MICAL3: variants seen among roughly 807,000 people sequenced by gnomAD.
The protein encoded by MICAL3 is microtubule associated monooxygenase, calponin and LIM domain containing 3, also known as [F-actin]-monooxygenase MICAL3.
MICAL3 carries 62 observed loss-of-function variants against 207.4 expected under a neutral mutation model. The observed-to-expected ratio is 0.30, with a 90% CI of 0.24 to 0.37. The LOEUF (loss-of-function observed/expected upper bound fraction) is 0.37, where lower values mean the gene tolerates loss of function less well. MICAL3 is among the 10% of genes least tolerant of loss of function. The probability of loss-of-function intolerance (pLI) is 1.00; values close to 1 mark genes in which losing one functional copy is unlikely to be tolerated. For synonymous variants in MICAL3, 1,077 were observed against 1,069.3 expected, an observed-to-expected ratio of 1.01 and a Z score of -0.14; for missense variants, 2,368 against 2,635.6, an observed-to-expected ratio of 0.90 and a Z score of 2.22.
At chr22:18,006,460 A>G (rs1012266033) in intron 1 of MICAL3, 18 of 152,230 alleles carry the variant, frequency 1.2e-4, no homozygotes, top group African/African-American at 3.9e-4. Flanking sequence ...TTAGTAAACA[A>G]TAGGGAGAAT....
intron 22 of MICAL3, 148 bp downstream of exon 22, chr22:17,827,496 A>G (rs1307917472): frequency 1.3e-6 from 1 of 765,020 alleles, no homozygotes; most frequent in Non-Finnish European, 2.0e-6. Context: ...CAGGTGTCAC[A>G]ACTGACAGCA....
At chr22:17,890,340 G>A (rs1007752323) in intron 12 of MICAL3, among the ~76,000 whole-genome samples, 6 of 151,968 alleles carry the variant, frequency 3.9e-5, no homozygotes, top group African/African-American at 1.2e-4. Context: ...TTCTCCAGGC[G>A]CCCCTCCACC....
intron 19 of MICAL3, among the ~76,000 whole-genome samples, chr22:17,856,480 C>T (rs1201266377): frequency 6.6e-6 from 1 of 152,194 alleles, no homozygotes; most frequent in Non-Finnish European, 1.5e-5. Context: ...CTTCCCTGCA[C>T]CCTCCACCCC....
intron 7 of MICAL3, 186 bp downstream of exon 7, chr22:17,899,262 T>C: frequency 1.5e-6 from 1 of 676,436 alleles, no homozygotes; most frequent in Non-Finnish European, 2.7e-6. Flanking sequence ...CCGTTTTTAT[T>C]TACATTTGAA....
chr22:17,954,897 T>C (rs1245249443), intron 1 of MICAL3, among the ~76,000 whole-genome samples: 1 of 152,132 alleles, frequency 6.6e-6, no homozygotes, highest in Non-Finnish European at 1.5e-5. Flanking sequence ...CTAATTTTTG[T>C]ATTTTTAGTA....
intron 21 of MICAL3, among the ~76,000 whole-genome samples, chr22:17,829,200 CTT>C (rs1363167680): frequency 7.0e-6 from 1 of 142,840 alleles, no homozygotes. Context: ...AAGTGTCGCT[CTT>C]GTTGCCCAGG....
intron 28 of MICAL3, 124 bp downstream of exon 28, chr22:17,810,579 G>A: frequency 1.4e-6 from 1 of 716,798 alleles, no homozygotes; most frequent in African/African-American, 1.8e-5. Flanking sequence ...GGGTGGCAGG[G>A]AGGCCCGTCT....
At chr22:17,863,310 G>C in intron 19 of MICAL3, 5 of 985,368 alleles carry the variant, frequency 5.1e-6, no homozygotes, top group Non-Finnish European at 6.0e-6. Flanking sequence ...GAGTAGTCAG[G>C]TTCCTCAGAA....
At chr22:17,875,994 A>AGCAG (rs1928293537) in intron 16 of MICAL3, among the ~76,000 whole-genome samples, 1 of 152,222 alleles carries the variant, frequency 6.6e-6, no homozygotes, top group Non-Finnish European at 1.5e-5. Context: ...CCTTAGAAGT[A>AGCAG]GCAGGCAGCG....
At chr22:17,874,888 C>G (rs776541017) in intron 16 of MICAL3, among the ~76,000 whole-genome samples, 42 of 152,046 alleles carry the variant, frequency 2.8e-4, no homozygotes, top group Non-Finnish European at 5.9e-4. Flanking sequence ...GCACATAGGA[C>G]GTGAGGTCTG....
At chr22:17,875,682 T>C (rs1340444582) in intron 16 of MICAL3, 1 of 166,254 alleles carries the variant, frequency 6.0e-6, no homozygotes, top group African/African-American at 3.0e-5. Flanking sequence ...CCATGTATAG[T>C]AAAAAAAAAA....
intron 1 of MICAL3, among the ~76,000 whole-genome samples, chr22:17,978,027 AAAAT>A (rs1224523161): frequency 4.0e-5 from 6 of 149,902 alleles, no homozygotes; most frequent in South Asian, 4.2e-4. Context: ...TGTCTCATAA[AAAAT>A]AAATAAATAA....
At position 17,897,422 on chromosome 22, in the gene MICAL3, C is replaced by CAAAAA. The variant is rs71754131; in HGVS notation, c.949-446_949-442dup. 7.9e-4 allele frequency among the ~76,000 whole-genome samples: 33 copies of CAAAAA among 41,760 alleles called. 1 individual carries two copies. The highest frequency in any genetic ancestry group is 1.8e-3 in the African/African-American group (21 of 11,668). The allele number at this position is 41,760 out of a possible 152,430, so 27.4% of individuals were successfully genotyped here. A position where few individuals can be genotyped will look rare whatever the true frequency, so the allele number is the denominator to read the frequency against. On this transcript the variant is annotated intron_variant, in intron 7 of 31. Transcript: ENST00000441493. ...TAGGTGACAGAGTGAGACTCCAACT[C>CAAAAA]AAAAAAAAAAAAAAAAAAAAAAAGA...
intron 18 of MICAL3, among the ~76,000 whole-genome samples, chr22:17,865,295 T>C (rs1238373699): frequency 3.9e-5 from 6 of 152,030 alleles, no homozygotes; most frequent in Non-Finnish European, 7.4e-5. Context: ...CCAGTCCCTC[T>C]GCAGGCAACA....
At chr22:17,805,049 C>CG (rs1411052892) in intron 29 of MICAL3, among the ~76,000 whole-genome samples, 2 of 152,204 alleles carry the variant, frequency 1.3e-5, no homozygotes, top group African/African-American at 4.8e-5. Flanking sequence ...TAGAGCGCTT[C>CG]TCTGGAAAGG....
intron 1 of MICAL3, among the ~76,000 whole-genome samples, chr22:17,979,371 C>G (rs1416824428): frequency 2.0e-5 from 3 of 152,046 alleles, no homozygotes; most frequent in Admixed American, 6.6e-5. Flanking sequence ...GTGGCGAAAC[C>G]CCGTCTCTAC....
intron 1 of MICAL3, among the ~76,000 whole-genome samples, chr22:17,929,177 T>A (rs1933095151): frequency 6.7e-6 from 1 of 148,400 alleles, no homozygotes; most frequent in African/African-American, 2.5e-5. Context: ...TAGCTCACCG[T>A]AACCTCAAAC....
At chr22:17,982,714 AC>A (rs1935973271) in intron 1 of MICAL3, among the ~76,000 whole-genome samples, 1 of 149,084 alleles carries the variant, frequency 6.7e-6, no homozygotes, top group Non-Finnish European at 1.5e-5. Context: ...ACATAACATA[AC>A]AAACATAACA....
intron 7 of MICAL3, among the ~76,000 whole-genome samples, chr22:17,897,635 G>C (rs1930967468): frequency 6.6e-6 from 1 of 151,994 alleles, no homozygotes; most frequent in Non-Finnish European, 1.5e-5. Context: ...ATTATCTTCT[G>C]GGTAGTAAAT....
Sources: gnomAD v4.1 joint callset for allele counts (sites outside exome capture counted in the v4.1 genomes callset) on GRCh38, gnomAD v4.1.1 for gene constraint, MANE v1.5 for transcripts, NCBI Gene and HGNC (gene_info 2026-07-23, HGNC 2026-07-21) for gene names.